EPHA3: variants seen among roughly 807,000 people sequenced by gnomAD.
EPHA3 encodes the protein EPH receptor A3.
In EPHA3, 42 loss-of-function variants were observed where a neutral mutation model predicts 107.1. The ratio of observed to expected loss-of-function variants is 0.39; its 90% CI spans 0.31 to 0.51. The LOEUF is 0.51. Among genes scored for constraint, EPHA3 ranks in the 20% least tolerant of loss-of-function variants. EPHA3 has a pLI of 0.78. For synonymous variants in EPHA3, 461 were observed against 424.8 expected (o/e 1.09, Z -1.05); for missense variants, 1,183 against 1,211.2 (o/e 0.98, Z 0.35).
chr3:89,255,264 A>G (rs1205570296), intron 3 of EPHA3, among the ~76,000 whole-genome samples: 4 of 152,146 alleles, frequency 2.6e-5, no homozygotes, highest in African/African-American at 9.7e-5. Flanking sequence ...TCAGCAATAG[A>G]CCTTTTTTTA....
chr3:89,375,799 T>G (rs149217985), intron 5 of EPHA3, among the ~76,000 whole-genome samples: 187 of 152,024 alleles, frequency 1.2e-3, no homozygotes, highest in Non-Finnish European at 1.8e-3. Flanking sequence ...CCATTAGGTA[T>G]CCTGGAAGAG....
At chr3:89,358,361 C>T (rs1256633085) in intron 5 of EPHA3, among the ~76,000 whole-genome samples, 1 of 150,772 alleles carries the variant, frequency 6.6e-6, no homozygotes, top group African/African-American at 2.4e-5. Context: ...TAAAAAAAAA[C>T]CCATTTAGAT....
intron 6 of EPHA3, 109 bp downstream of exon 6, chr3:89,396,070 T>G (rs1292365573): frequency 8.5e-6 from 12 of 1,412,010 alleles, no homozygotes; most frequent in Non-Finnish European, 1.1e-5. Context: ...GGTAGAGCAC[T>G]GTTTAGAACT....
chr3:89,282,271 A>G (rs1251228944), intron 3 of EPHA3, among the ~76,000 whole-genome samples: 1 of 152,180 alleles, frequency 6.6e-6, no homozygotes, highest in Non-Finnish European at 1.5e-5. Flanking sequence ...GTCACTGAGA[A>G]GTGACATTTA....
intron 5 of EPHA3, among the ~76,000 whole-genome samples, chr3:89,379,912 G>C (rs531255441): frequency 6.6e-6 from 1 of 152,042 alleles, no homozygotes; most frequent in Non-Finnish European, 1.5e-5. Flanking sequence ...TGTTATGGGA[G>C]GTCTGGGATT....
intron 3 of EPHA3, among the ~76,000 whole-genome samples, chr3:89,315,337 G>A (rs1359180983): frequency 6.6e-6 from 1 of 151,388 alleles, no homozygotes; most frequent in African/African-American, 2.4e-5. Context: ...TAAGGAGCAC[G>A]GTTTGTTTCT....
chr3:89,352,478 G>T (rs1241230296), intron 5 of EPHA3, among the ~76,000 whole-genome samples: 1 of 150,902 alleles, frequency 6.6e-6, no homozygotes, highest in Non-Finnish European at 1.5e-5. Context: ...TGGTTTTATG[G>T]CCTTTTATTT....
In EPHA3 at chr3:89,413,531, C is replaced by T. The variant is rs533111360; in HGVS notation, c.1888+265C>T. 5.9e-5 allele frequency among the ~76,000 whole-genome samples: 9 copies of T among 151,796 alleles called. No individual in the cohort carries two copies. The South Asian group carries it at 1.0e-3, about 17-fold the overall frequency. On this transcript the variant is annotated intron_variant, in intron 10 of 16. Coordinates refer to ENST00000336596, the MANE Select transcript of EPHA3 (RefSeq NM_005233.6). The stretch of plus-strand genomic sequence containing the variant: ...TCAATCTTCCCATAGCTGTGCTGAT[C>T]GTGTGTCACAAAACCTATTTGGCTA...
At chr3:89,360,649 A>G (rs1708074367) in intron 5 of EPHA3, among the ~76,000 whole-genome samples, 1 of 151,060 alleles carries the variant, frequency 6.6e-6, no homozygotes, top group Admixed American at 6.6e-5. Context: ...TCTTCCCCAG[A>G]TTATCGAAAA....
intron 3 of EPHA3, among the ~76,000 whole-genome samples, chr3:89,239,575 G>A (rs1161345777): frequency 1.3e-5 from 2 of 152,098 alleles, no homozygotes; most frequent in Admixed American, 1.3e-4. Flanking sequence ...TGAAGTAAAT[G>A]GGAATTCATA....
At chr3:89,245,798 A>T (rs1268534182) in intron 3 of EPHA3, among the ~76,000 whole-genome samples, 1 of 152,180 alleles carries the variant, frequency 6.6e-6, no homozygotes, top group African/African-American at 2.4e-5. Context: ...GGTTAAATGG[A>T]TTTTGCCTCA....
intron 2 of EPHA3, among the ~76,000 whole-genome samples, chr3:89,182,607 G>C (rs946458356): frequency 6.6e-6 from 1 of 151,908 alleles, no homozygotes; most frequent in Admixed American, 6.6e-5. Context: ...ATTTTGAGCA[G>C]AGAAAGTATA....
In EPHA3 at chr3:89,241,139, C is replaced by T. The variant is rs939017627; in HGVS notation, c.814+30619C>T. 2.6e-5 allele frequency among the ~76,000 whole-genome samples: 4 copies of T among 151,734 alleles called. No homozygotes were observed. The South Asian group carries it at 6.2e-4, about 24-fold the overall frequency. Reference sequence around the variant, plus strand: ...TCTAATATAAACATTAAAAAAACACCAGTCATTGCATAATAATATACTTTT... The same window carrying T: ...TCTAATATAAACATTAAAAAAACACTAGTCATTGCATAATAATATACTTTT... On this transcript the variant is annotated intron_variant, in intron 3 of 16. Transcript: ENST00000336596.
chr3:89,152,464 T>C (rs1164285875), intron 2 of EPHA3, among the ~76,000 whole-genome samples: 1 of 152,072 alleles, frequency 6.6e-6, no homozygotes, highest in African/African-American at 2.4e-5. Flanking sequence ...GTGATTTTAC[T>C]CATCTGTTGT....
chr3:89,119,147 CTAAA>C (rs1299731996), intron 1 of EPHA3, among the ~76,000 whole-genome samples: 1 of 152,016 alleles, frequency 6.6e-6, no homozygotes, highest in Non-Finnish European at 1.5e-5. Context: ...TCCAAAATAA[CTAAA>C]TATTCAGAAA....
intron 2 of EPHA3, among the ~76,000 whole-genome samples, chr3:89,199,124 T>C (rs1205047019): frequency 6.6e-6 from 1 of 152,204 alleles, no homozygotes; most frequent in East Asian, 1.9e-4. Flanking sequence ...TATATATGAT[T>C]AGAAAGACAG....
At chr3:89,322,423 T>C (rs1431433873) in intron 3 of EPHA3, among the ~76,000 whole-genome samples, 1 of 152,046 alleles carries the variant, frequency 6.6e-6, no homozygotes, top group Non-Finnish European at 1.5e-5. Flanking sequence ...TTTGGACAAG[T>C]GGCTGAAAGT....
At position 89,226,960 on chromosome 3, in the gene EPHA3, A is replaced by G. The variant is rs781748465; in HGVS notation, c.814+16440A>G. On this transcript the variant is annotated intron_variant, in intron 3 of 16. Transcript: ENST00000336596. The stretch of plus-strand genomic sequence containing the variant: ...CAGGGATATAGATGGTGATGTGTCT[A>G]TGAATAGGTAGGAAATCAGAAGACA... Among the ~76,000 whole-genome samples, 94 of 152,140 alleles carry G rather than the reference A, an allele frequency of 6.2e-4. 1 individual carries two copies. Among genetic ancestry groups the G allele is most frequent in the Middle Eastern group, 3.4e-3 (1 of 292 alleles).
At chr3:89,354,148 T>G (rs79252935) in intron 5 of EPHA3, among the ~76,000 whole-genome samples, 1 of 151,282 alleles carries the variant, frequency 6.6e-6, no homozygotes, top group Non-Finnish European at 1.5e-5. Context: ...AAGGAGAACA[T>G]TTTTAGTCTC....
Sources: allele counts gnomAD v4.1 joint callset (sites outside exome capture counted in the v4.1 genomes callset), GRCh38; gene constraint gnomAD v4.1.1; transcripts MANE v1.5; gene names NCBI Gene and HGNC (gene_info 2026-07-23, HGNC 2026-07-21).